CACNG3: variants seen among roughly 807,000 people sequenced by gnomAD.
CACNG3 encodes the protein calcium voltage-gated channel auxiliary subunit gamma 3.
Under a neutral mutation model 28.5 loss-of-function variants are expected in CACNG3, and 3 were observed. The observed-to-expected ratio is 0.11, with a 90% CI of 0.05 to 0.27. CACNG3 has a LOEUF of 0.27. CACNG3 is among the 10% of genes least tolerant of loss of function. The pLI is 1.00. For missense variants in CACNG3, 236 were observed against 414.4 expected, an observed-to-expected ratio of 0.57 and a Z score of 3.74; for synonymous variants, 174 against 162.2, an observed-to-expected ratio of 1.07 and a Z score of -0.55.
chr16:24,355,259 G>A (rs1295641388), intron 3 of CACNG3, among the ~76,000 whole-genome samples: 1 of 151,772 alleles, frequency 6.6e-6, no homozygotes, highest in Non-Finnish European at 1.5e-5. Context: ...AAGAGAAAAG[G>A]AGAGAGAGAT....
intron 1 of CACNG3, among the ~76,000 whole-genome samples, chr16:24,308,639 G>A (rs2141363371): frequency 6.6e-6 from 1 of 152,032 alleles, no homozygotes; most frequent in South Asian, 2.1e-4. Context: ...AGGATCGCTT[G>A]TGCTCAGGAA....
chr16:24,269,630 C>T (rs1238607892), intron 1 of CACNG3, among the ~76,000 whole-genome samples: 1 of 151,242 alleles, frequency 6.6e-6, no homozygotes, highest in Non-Finnish European at 1.5e-5. Context: ...ACCTGTAATC[C>T]CAGCTACTCG....
intron 1 of CACNG3, among the ~76,000 whole-genome samples, chr16:24,258,981 A>G (rs986114538): frequency 2.6e-5 from 4 of 152,180 alleles, no homozygotes; most frequent in Non-Finnish European, 5.9e-5. Context: ...CTTTTTTCCA[A>G]CATCAAGTCC....
intron 2 of CACNG3, among the ~76,000 whole-genome samples, chr16:24,350,444 A>C (rs969959644): frequency 1.3e-5 from 2 of 151,740 alleles, no homozygotes; most frequent in Non-Finnish European, 2.9e-5. Flanking sequence ...ACAGGCACCC[A>C]CCACCACCAT....
chr16:24,318,099 T>C (rs550260292), intron 1 of CACNG3, among the ~76,000 whole-genome samples: 1 of 152,344 alleles, frequency 6.6e-6, no homozygotes, highest in South Asian at 2.1e-4. Context: ...ATCTCTCCCA[T>C]ATTCACAAAG....
At position 24,354,937 on chromosome 16, in the gene CACNG3, G is replaced by A. The variant is rs780905732; in HGVS notation, c.400G>A (p.Val134Ile). The A allele has an allele frequency of 3.1e-6, 5 of 1,612,616 alleles. No individual in the cohort carries two copies. The highest frequency in any genetic ancestry group is 1.3e-5 in the African/African-American group (1 of 74,892). The change falls in exon 3 of 4, where the codon GTC (valine) becomes ATC (isoleucine). Residue 134 changes from valine (V) to isoleucine (I), a missense_variant. Physicochemically the swap from Val to Ile is conservative, Grantham distance 29 (BLOSUM62 3). This residue lies in a region of CACNG3 where 120 missense variants were observed against 263.4 expected (regional missense o/e 0.46). Coordinates refer to ENST00000005284, the MANE Select transcript of CACNG3 (RefSeq NM_006539.4). The stretch of plus-strand genomic sequence containing the variant: ...TGAGTTCCACCGCAGCAGACACAAC[G>A]TCATTCTCAGCGCGGGCATCTTTTT... The part of the protein sequence containing the change: ...ASEFHRSRHN[V>I]ILSAGIFFVS...
intron 1 of CACNG3, among the ~76,000 whole-genome samples, chr16:24,271,596 G>A (rs560909253): frequency 1.3e-5 from 2 of 152,192 alleles, no homozygotes; most frequent in South Asian, 2.1e-4. Context: ...GAATTTAGGG[G>A]GACCTACAGC....
chr16:24,340,274 C>T (rs1899766285), intron 1 of CACNG3, among the ~76,000 whole-genome samples: 1 of 152,036 alleles, frequency 6.6e-6, no homozygotes, highest in Non-Finnish European at 1.5e-5. Flanking sequence ...GCAGTGCATA[C>T]CTGTAGTTCC....
At chr16:24,279,445 C>T (rs913571434) in intron 1 of CACNG3, among the ~76,000 whole-genome samples, 4 of 151,712 alleles carry the variant, frequency 2.6e-5, no homozygotes, top group African/African-American at 7.3e-5. Flanking sequence ...AGAGGTGCAC[C>T]GCTACACCTG....
intron 1 of CACNG3, among the ~76,000 whole-genome samples, chr16:24,339,560 A>G (rs1186725226): frequency 6.6e-6 from 1 of 151,872 alleles, no homozygotes; most frequent in East Asian, 1.9e-4. Context: ...TAATTTTTGT[A>G]TTTTTAGTAA....
At chr16:24,325,398 C>T (rs1327870792) in intron 1 of CACNG3, among the ~76,000 whole-genome samples, 2 of 152,200 alleles carry the variant, frequency 1.3e-5, no homozygotes, top group Admixed American at 6.5e-5. Flanking sequence ...TCACCCACCA[C>T]CAACCTTTAG....
At chr16:24,266,355 T>C (rs1177780752) in intron 1 of CACNG3, among the ~76,000 whole-genome samples, 1 of 152,162 alleles carries the variant, frequency 6.6e-6, no homozygotes, top group Non-Finnish European at 1.5e-5. Flanking sequence ...AGTATGCTCA[T>C]GAAACTTCAT....
At chr16:24,264,337 A>G (rs774470974) in intron 1 of CACNG3, among the ~76,000 whole-genome samples, 1 of 152,224 alleles carries the variant, frequency 6.6e-6, no homozygotes, top group Admixed American at 6.5e-5. Context: ...AAATGTTCGC[A>G]GGGTACTGTA....
At chr16:24,292,351 G>C (rs1898977972) in intron 1 of CACNG3, among the ~76,000 whole-genome samples, 1 of 152,188 alleles carries the variant, frequency 6.6e-6, no homozygotes, top group South Asian at 2.1e-4. Flanking sequence ...TAGGGACCTG[G>C]AGAGGGACCT....
rs547772960 is a variant in CACNG3 at position 24,276,094 on chromosome 16, T to C, written c.211+19129T>C. On this transcript the variant is annotated intron_variant, in intron 1 of 3. Transcript: ENST00000005284. ...CTTGTGTGAGGCTAGGTTTTCTTCA[T>C]AAACTTCAAGTCTAACAACAGTGGG... 3.3e-5 allele frequency among the ~76,000 whole-genome samples: 5 copies of C among 152,334 alleles called. No homozygotes were observed. In the East Asian group the frequency reaches 9.6e-4, roughly 29 times the overall value.
chr16:24,342,909 G>A (rs528777047), intron 1 of CACNG3, among the ~76,000 whole-genome samples: 1 of 152,204 alleles, frequency 6.6e-6, no homozygotes, highest in East Asian at 1.9e-4. Context: ...GTGACTGCAG[G>A]CCAGGCGCAG....
intron 1 of CACNG3, among the ~76,000 whole-genome samples, chr16:24,345,582 C>A (rs1424516654): frequency 6.6e-6 from 1 of 152,160 alleles, no homozygotes; most frequent in East Asian, 1.9e-4. Context: ...TGCCTGTAAT[C>A]CCAGTTACTC....
intron 1 of CACNG3, among the ~76,000 whole-genome samples, chr16:24,283,226 T>C (rs1215935781): frequency 6.6e-6 from 1 of 152,162 alleles, no homozygotes; most frequent in Non-Finnish European, 1.5e-5. Context: ...ATATTCTAAC[T>C]ATTCTGTCTC....
chr16:24,294,263 C>T (rs1340776784), intron 1 of CACNG3, among the ~76,000 whole-genome samples: 1 of 152,220 alleles, frequency 6.6e-6, no homozygotes, highest in Non-Finnish European at 1.5e-5. Flanking sequence ...ACAGTTTCCC[C>T]TTGGCTTGGG....
Sources: allele counts gnomAD v4.1 joint callset (sites outside exome capture counted in the v4.1 genomes callset), GRCh38; gene constraint gnomAD v4.1.1; regional missense constraint gnomAD v4.1.1; transcripts MANE v1.5; gene names NCBI Gene and HGNC (gene_info 2026-07-23, HGNC 2026-07-21).